The following TNRC6B variants were observed in gnomAD, a reference collection of about 807,000 sequenced individuals.
The protein encoded by TNRC6B is trinucleotide repeat-containing gene 6B protein.
TNRC6B carries 52 observed loss-of-function variants against 203.6 expected under a neutral mutation model. The observed-to-expected ratio is 0.26, with a 90% CI of 0.20 to 0.32. TNRC6B has a LOEUF of 0.32. Ranked by LOEUF, TNRC6B falls within the 10% of genes least tolerant of loss-of-function variation. TNRC6B has a pLI of 1.00. For missense variants in TNRC6B, 1,923 were observed against 2,286.2 expected (o/e 0.84, Z 3.24); for synonymous variants, 838 against 845.7 (o/e 0.99, Z 0.16).
At position 40,333,496 on chromosome 22, in the gene TNRC6B, A is replaced by G. The variant is rs993627015; in HGVS notation, c.*10255A>G. ...GGGACTCCAGAATGTTCTCCACACA[A>G]TACCTGGAGCTCTCAACCTTTCTTG... is the stretch of plus-strand genomic sequence containing the variant. On this transcript the variant is annotated 3_prime_UTR_variant, in exon 23 of 23. Coordinates refer to ENST00000454349, the MANE Select transcript of TNRC6B (RefSeq NM_001162501.2). The G allele has an allele frequency of 3.9e-5, 6 of 152,608 alleles. No homozygotes were observed. The highest frequency in any genetic ancestry group is 2.0e-4 in the Admixed American group (3 of 15,274). 9.5% of individuals were successfully genotyped at this position (152,608 alleles called of 1,614,324 possible).
chr22:40,296,712 C>A (rs1238258227), intron 12 of TNRC6B, among the ~76,000 whole-genome samples: 1 of 151,840 alleles, frequency 6.6e-6, no homozygotes, highest in African/African-American at 2.4e-5. Flanking sequence ...GCTGCAACCT[C>A]CGCCACCTGG....
intron 2 of TNRC6B, among the ~76,000 whole-genome samples, chr22:40,123,611 C>T (rs1027172961): frequency 6.6e-6 from 1 of 152,166 alleles, no homozygotes; most frequent in Admixed American, 6.5e-5. Context: ...GAGAATGGAG[C>T]GTGGGTCTGG....
intron 1 of TNRC6B, among the ~76,000 whole-genome samples, chr22:40,178,981 A>G (rs1369293371): frequency 6.6e-6 from 1 of 152,154 alleles, no homozygotes; most frequent in Non-Finnish European, 1.5e-5. Context: ...CACGAAATAA[A>G]ATTTTTGTTT....
chr22:40,109,478 T>C (rs1283663088), intron 1 of TNRC6B, among the ~76,000 whole-genome samples: 1 of 152,168 alleles, frequency 6.6e-6, no homozygotes, highest in Non-Finnish European at 1.5e-5. Context: ...AAAATCACCG[T>C]TCTGACTTGC....
At chr22:40,049,515 A>G (rs2067727750) in intron 1 of TNRC6B, among the ~76,000 whole-genome samples, 1 of 152,120 alleles carries the variant, frequency 6.6e-6, no homozygotes, top group East Asian at 1.9e-4. Context: ...ATGAGACTTA[A>G]CTGTCACCTC....
At chr22:40,159,032 G>A (rs1290475423) in intron 4 of TNRC6B, among the ~76,000 whole-genome samples, 1 of 151,694 alleles carries the variant, frequency 6.6e-6, no homozygotes, top group African/African-American at 2.4e-5. Context: ...GCACAGTCTC[G>A]GCTCACTGCA....
chr22:40,105,344 A>C (rs1431265170), intron 1 of TNRC6B, among the ~76,000 whole-genome samples: 1 of 152,234 alleles, frequency 6.6e-6, no homozygotes, highest in Non-Finnish European at 1.5e-5. Flanking sequence ...TAAAACAATG[A>C]ATTATTTTGA....
At chr22:40,137,836 T>G (rs1277513370) in intron 3 of TNRC6B, among the ~76,000 whole-genome samples, 1 of 151,846 alleles carries the variant, frequency 6.6e-6, no homozygotes, top group African/African-American at 2.4e-5. Flanking sequence ...ATACAAAAAT[T>G]AGCCGGGCAT....
intron 1 of TNRC6B, among the ~76,000 whole-genome samples, chr22:40,241,789 T>C (rs1262692264): frequency 2.0e-5 from 3 of 152,244 alleles, no homozygotes; most frequent in South Asian, 2.1e-4. Context: ...ATTCCATTCC[T>C]CATTTCAATT....
chr22:40,263,129 T>A (rs1601466686), intron 4 of TNRC6B, among the ~76,000 whole-genome samples: 1 of 152,186 alleles, frequency 6.6e-6, no homozygotes, highest in South Asian at 2.1e-4. Context: ...CTTTTAAAGT[T>A]TATTAACAGA....
In TNRC6B at chr22:40,265,042, C is replaced by A; in HGVS notation, c.812C>A (p.Ser271Tyr). 6.2e-7 allele frequency: 1 copy of A among 1,613,972 alleles called. No homozygotes were observed. The highest frequency in any genetic ancestry group is 8.5e-7 in the Non-Finnish European group (1 of 1,179,894). ...SDPKAKSVQS[S>Y]NSTTENNNGL... ...CCTAAGGCTAAATCTGTTCAATCTT[C>A]CAACTCTACTACAGAGAACAACAAT... The change falls in exon 5 of 23, where the codon TCC (serine) becomes TAC (tyrosine). Residue 271 changes from serine to tyrosine, a missense_variant. By Grantham distance (144) the Ser-to-Tyr change is moderately radical (BLOSUM62 -2). This residue lies in a region of TNRC6B where 614 missense variants were observed against 587.7 expected (regional missense o/e 1.04). Transcript: ENST00000454349.
Position 40,335,689 on chromosome 22 carries a change from T to C in TNRC6B, c.*12448T>C, listed in dbSNP as rs2146598737. The stretch of plus-strand genomic sequence containing the variant: ...TGTTTAGTTTTTTTATTTTATTTTA[T>C]TTTGGAAAGATATGATTGTATTATG... On this transcript the variant is annotated 3_prime_UTR_variant, in exon 23 of 23. Coordinates refer to ENST00000454349, the MANE Select transcript of TNRC6B (RefSeq NM_001162501.2). The C allele has an allele frequency of 6.6e-6, 1 of 150,554 alleles. No individual in the cohort carries two copies. Among genetic ancestry groups the C allele is most frequent in the East Asian group, 1.9e-4 (1 of 5,156 alleles). The allele number at this position is 150,554 out of a possible 1,614,324, so 9.3% of individuals were successfully genotyped here.
At chr22:40,241,697 C>T (rs1469262921) in intron 1 of TNRC6B, among the ~76,000 whole-genome samples, 1 of 152,242 alleles carries the variant, frequency 6.6e-6, no homozygotes. Flanking sequence ...GGTATCTTGA[C>T]AGGCTTCTCC....
intron 1 of TNRC6B, among the ~76,000 whole-genome samples, chr22:40,215,694 G>GTGT (rs1196120858): frequency 1.3e-5 from 2 of 152,110 alleles, no homozygotes; most frequent in East Asian, 1.9e-4. Context: ...TAGTACCTTA[G>GTGT]TGTTCTCTCT....
At chr22:40,080,310 C>G (rs988757276) in intron 1 of TNRC6B, among the ~76,000 whole-genome samples, 5 of 151,720 alleles carry the variant, frequency 3.3e-5, no homozygotes, top group African/African-American at 7.3e-5. Flanking sequence ...TATCCTTTCT[C>G]CACTAATTCA....
chr22:40,164,461 AT>A (rs1323675614), intron 4 of TNRC6B, among the ~76,000 whole-genome samples: 4 of 149,066 alleles, frequency 2.7e-5, no homozygotes, highest in East Asian at 2.0e-4. Flanking sequence ...TTTTTAATTA[AT>A]TTTTTTTAAT....
intron 3 of TNRC6B, among the ~76,000 whole-genome samples, chr22:40,130,410 T>G (rs2068530944): frequency 2.6e-5 from 4 of 152,172 alleles, no homozygotes; most frequent in Admixed American, 2.6e-4. Context: ...AGTTGAAGAC[T>G]TGAAATGACA....
intron 1 of TNRC6B, among the ~76,000 whole-genome samples, chr22:40,103,988 C>T (rs1418285697): frequency 6.6e-6 from 1 of 150,552 alleles, no homozygotes; most frequent in African/African-American, 2.4e-5. Flanking sequence ...CCCGGTGGCT[C>T]ATGCCTGTAT....
At chr22:40,072,511 G>C (rs1322441473) in intron 1 of TNRC6B, among the ~76,000 whole-genome samples, 1 of 152,136 alleles carries the variant, frequency 6.6e-6, no homozygotes, top group Non-Finnish European at 1.5e-5. Context: ...TCTTAATATG[G>C]AATCCACATT....
Sources: gnomAD v4.1 joint callset for allele counts (sites outside exome capture counted in the v4.1 genomes callset) on GRCh38, gnomAD v4.1.1 for gene constraint, gnomAD v4.1.1 regional missense constraint, MANE v1.5 for transcripts, NCBI Gene and HGNC (gene_info 2026-07-23, HGNC 2026-07-21) for gene names.